ELOVL6: variants seen among roughly 807,000 people sequenced by gnomAD.
The protein encoded by ELOVL6 is ELOVL fatty acid elongase 6, also known as very long chain fatty acid elongase 6.
ELOVL6 carries 8 observed loss-of-function variants against 31.7 expected under a neutral mutation model. That is an observed-to-expected ratio of 0.25 (90% CI 0.15 to 0.45). ELOVL6 has a LOEUF of 0.45. ELOVL6 is among the 20% of genes least tolerant of loss of function. The pLI, the probability that ELOVL6 is intolerant of heterozygous loss-of-function variation, is 1.00. For synonymous variants in ELOVL6, 101 were observed against 117.7 expected (o/e 0.86, Z 0.92); for missense variants, 126 against 326.4 (o/e 0.39, Z 4.73).
At chr4:110,176,441 T>C (rs2126275747) in intron 1 of ELOVL6, among the ~76,000 whole-genome samples, 1 of 152,324 alleles carries the variant, frequency 6.6e-6, no homozygotes, top group Admixed American at 6.5e-5. Context: ...ATTACAGGCA[T>C]GAGCCACTGC....
intron 1 of ELOVL6, among the ~76,000 whole-genome samples, chr4:110,174,998 T>C (rs1759058091): frequency 3.9e-5 from 6 of 151,966 alleles, no homozygotes; most frequent in Admixed American, 3.3e-4. Flanking sequence ...AAATTCCATG[T>C]ATGTTATAAT....
chr4:110,165,639 G>A (rs17540619), intron 1 of ELOVL6, among the ~76,000 whole-genome samples: 4,112 of 152,254 alleles, frequency 0.027, 77 homozygotes, highest in Middle Eastern at 0.054. Context: ...GGAGCTGGGC[G>A]GTTCTAATCT....
At chr4:110,117,903 A>AAAAAAAAT in intron 1 of ELOVL6, 9 of 6,502 alleles carry the variant, frequency 1.4e-3, no homozygotes, top group South Asian at 0.012. Context: ...AAAAAAAAAA[A>AAAAAAAAT]ATATATATAT....
chr4:110,082,249 T>C (rs1755881922), intron 2 of ELOVL6, among the ~76,000 whole-genome samples: 1 of 152,034 alleles, frequency 6.6e-6, no homozygotes, highest in Admixed American at 6.6e-5. Context: ...ACTGGGTATA[T>C]ACCCAAAGGA....
At chr4:110,166,689 A>G (rs1758788594) in intron 1 of ELOVL6, among the ~76,000 whole-genome samples, 1 of 152,178 alleles carries the variant, frequency 6.6e-6, no homozygotes, top group African/African-American at 2.4e-5. Flanking sequence ...TAATCTCAGC[A>G]TGGTCAGCCC....
At chr4:110,069,626 G>T (rs1755410609) in intron 2 of ELOVL6, among the ~76,000 whole-genome samples, 1 of 152,202 alleles carries the variant, frequency 6.6e-6, no homozygotes, top group South Asian at 2.1e-4. Flanking sequence ...GGCACAGAGA[G>T]GGCAGAGGAC....
chr4:110,084,371 T>TATATACCGCATATATG (rs1302035003), intron 2 of ELOVL6, among the ~76,000 whole-genome samples: 1 of 115,396 alleles, frequency 8.7e-6, no homozygotes, highest in Non-Finnish European at 1.8e-5. Context: ...GCATATATGA[T>TATATACCGCATATATG]ATATGATATA....
At chr4:110,170,183 A>G (rs1758903905) in intron 1 of ELOVL6, among the ~76,000 whole-genome samples, 1 of 152,214 alleles carries the variant, frequency 6.6e-6, no homozygotes, top group African/African-American at 2.4e-5. Context: ...AACATGCTTT[A>G]TGATTTAAAT....
chr4:110,154,672 T>C (rs1283569733), intron 1 of ELOVL6, among the ~76,000 whole-genome samples: 1 of 152,246 alleles, frequency 6.6e-6, no homozygotes, highest in East Asian at 1.9e-4. Context: ...ATTTCTGTCA[T>C]CAGACCCAAA....
In ELOVL6 at chr4:110,049,593, G is replaced by T. The variant is rs1485736939; in HGVS notation, c.*1745C>A. On this transcript the variant is annotated 3_prime_UTR_variant, in exon 4 of 4. Coordinates refer to ENST00000302274, the MANE Select transcript of ELOVL6 (RefSeq NM_024090.3). ...GAAAGAGAAACAACAGTTTTGTTTT[G>T]TTTTTTTCTGCTAGCCAGAAAATGT... The T allele has an allele frequency of 6.6e-6, 1 of 151,930 alleles. No individual in the cohort carries two copies. Among genetic ancestry groups the T allele is most frequent in the African/African-American group, 2.4e-5 (1 of 41,214 alleles). The allele number at this position is 151,930 out of a possible 1,614,324, so 9.4% of individuals were successfully genotyped here.
chr4:110,061,428 T>A (rs1002728865), intron 2 of ELOVL6, among the ~76,000 whole-genome samples: 1 of 152,132 alleles, frequency 6.6e-6, no homozygotes, highest in African/African-American at 2.4e-5. Flanking sequence ...GTCTTTATAG[T>A]CCATTATCTG....
chr4:110,127,078 G>C (rs1443444975), intron 1 of ELOVL6, among the ~76,000 whole-genome samples: 2 of 152,046 alleles, frequency 1.3e-5, no homozygotes, highest in African/African-American at 4.8e-5. Context: ...AAGAGACACA[G>C]GATATATGTA....
At chr4:110,195,961 G>A (rs1759763502) in intron 1 of ELOVL6, among the ~76,000 whole-genome samples, 1 of 152,170 alleles carries the variant, frequency 6.6e-6, no homozygotes, top group Non-Finnish European at 1.5e-5. Context: ...GAACTAGGAG[G>A]AAACAGTGGT....
intron 1 of ELOVL6, among the ~76,000 whole-genome samples, chr4:110,137,909 T>G (rs1408870449): frequency 6.6e-6 from 1 of 152,230 alleles, no homozygotes; most frequent in Non-Finnish European, 1.5e-5. Flanking sequence ...ACCTACATCA[T>G]TCTTCAGACA....
At chr4:110,172,433 C>T (rs1229739131) in intron 1 of ELOVL6, among the ~76,000 whole-genome samples, 1 of 152,106 alleles carries the variant, frequency 6.6e-6, no homozygotes, top group African/African-American at 2.4e-5. Flanking sequence ...TATATTCCAC[C>T]TGGGAGCAAT....
At chr4:110,172,494 T>C (rs1370489276) in intron 1 of ELOVL6, among the ~76,000 whole-genome samples, 1 of 152,136 alleles carries the variant, frequency 6.6e-6, no homozygotes, top group Non-Finnish European at 1.5e-5. Flanking sequence ...AAAGCATAAC[T>C]ACAGCAAGTA....
At chr4:110,084,503 TC>T (rs1756156847) in intron 2 of ELOVL6, among the ~76,000 whole-genome samples, 2 of 53,638 alleles carry the variant, frequency 3.7e-5, no homozygotes, top group African/African-American at 1.5e-4. Flanking sequence ...CACATATATA[TC>T]ATATATGTGT....
chr4:110,184,741 A>G (rs1759390652), intron 1 of ELOVL6, among the ~76,000 whole-genome samples: 1 of 152,196 alleles, frequency 6.6e-6, no homozygotes, highest in Non-Finnish European at 1.5e-5. Context: ...GAAAAGGGAG[A>G]TGAGTACTTT....
At chr4:110,157,860 C>A (rs1448128770) in intron 1 of ELOVL6, among the ~76,000 whole-genome samples, 1 of 152,132 alleles carries the variant, frequency 6.6e-6, no homozygotes, top group East Asian at 1.9e-4. Context: ...ATTATATTGA[C>A]AAGCAAATTA....
Sources: gnomAD v4.1 joint callset for allele counts (sites outside exome capture counted in the v4.1 genomes callset) on GRCh38, gnomAD v4.1.1 for gene constraint, MANE v1.5 for transcripts, NCBI Gene and HGNC (gene_info 2026-07-23, HGNC 2026-07-21) for gene names.